CNTNAP4: variants seen among roughly 807,000 people sequenced by gnomAD.
CNTNAP4 encodes the protein contactin-associated protein-like 4.
In CNTNAP4, 98 loss-of-function variants were observed where a neutral mutation model predicts 148.4. The observed-to-expected ratio is 0.66, with a 90% CI of 0.56 to 0.78. The LOEUF (loss-of-function observed/expected upper bound fraction) is 0.78, where lower values mean the gene tolerates loss of function less well. Ranked by LOEUF, CNTNAP4 falls within the 30% of genes least tolerant of loss-of-function variation. The pLI is 0.00. For synonymous variants in CNTNAP4, 730 were observed against 565.1 expected (o/e 1.29, Z -4.14); for missense variants, 1,935 against 1,565.6 (o/e 1.24, Z -3.98).
At chr16:76,315,210 A>C (rs1597162567) in intron 1 of CNTNAP4, among the ~76,000 whole-genome samples, 1 of 152,252 alleles carries the variant, frequency 6.6e-6, no homozygotes, top group East Asian at 1.9e-4. Context: ...CGTTGCTAGA[A>C]ATCATACATG....
At position 76,538,104 on chromosome 16, in the gene CNTNAP4, A is replaced by G. The variant is rs1002828992; in HGVS notation, c.2996-12A>G. ...AAATTTTTAACAAAAATATATATAT[A>G]TATTATTTCAGAGATTTCTGCATAT... is the stretch of plus-strand genomic sequence containing the variant. On this transcript the variant is annotated splice_polypyrimidine_tract_variant and intron_variant, in intron 18 of 23. Transcript: ENST00000611870. 1.3e-5 allele frequency: 16 copies of G among 1,203,108 alleles called. No homozygotes were observed. The highest frequency in any genetic ancestry group is 1.1e-4 in the African/African-American group (7 of 62,946). 74.5% of individuals were successfully genotyped at this position (1,203,108 alleles called of 1,614,324 possible). A position where few individuals can be genotyped will look rare whatever the true frequency, so the allele number is the denominator to read the frequency against.
intron 10 of CNTNAP4, among the ~76,000 whole-genome samples, chr16:76,471,499 G>A (rs932897502): frequency 6.6e-6 from 1 of 152,106 alleles, no homozygotes; most frequent in Non-Finnish European, 1.5e-5. Flanking sequence ...CTTGCCTCCA[G>A]CCTCTGCACC....
chr16:76,459,576 A>C (rs964529997), intron 8 of CNTNAP4, among the ~76,000 whole-genome samples: 22 of 152,200 alleles, frequency 1.4e-4, no homozygotes, highest in Admixed American at 3.9e-4. Flanking sequence ...TTTTGATCCA[A>C]ATGTATGTGG....
At chr16:76,407,971 C>G (rs2078655621) in intron 3 of CNTNAP4, among the ~76,000 whole-genome samples, 1 of 152,006 alleles carries the variant, frequency 6.6e-6, no homozygotes, top group Non-Finnish European at 1.5e-5. Context: ...AACCACCACC[C>G]TGATCAGTCA....
chr16:76,338,764 T>C (rs958713133), intron 2 of CNTNAP4, among the ~76,000 whole-genome samples: 2 of 152,216 alleles, frequency 1.3e-5, no homozygotes, highest in Non-Finnish European at 2.9e-5. Flanking sequence ...TTTGTAACCT[T>C]TCATAAGTGA....
chr16:76,476,118 G>A, intron 11 of CNTNAP4, 73 bp downstream of exon 11: 2 of 986,186 alleles, frequency 2.0e-6, no homozygotes, highest in Non-Finnish European at 1.6e-6. Flanking sequence ...TCATTGCTGT[G>A]TGTATATATG....
chr16:76,360,074 T>C (rs570256645), intron 3 of CNTNAP4, among the ~76,000 whole-genome samples: 1 of 152,340 alleles, frequency 6.6e-6, no homozygotes, highest in Non-Finnish European at 1.5e-5. Context: ...GTTTGCTTTA[T>C]TTAAAATAGA....
intron 15 of CNTNAP4, among the ~76,000 whole-genome samples, chr16:76,512,577 A>G (rs1488485004): frequency 6.6e-6 from 1 of 152,178 alleles, no homozygotes; most frequent in Non-Finnish European, 1.5e-5. Context: ...GTAGAGAAAT[A>G]TAAAGAGCCC....
intron 1 of CNTNAP4, among the ~76,000 whole-genome samples, chr16:76,292,062 T>TTGACTTA (rs1959138056): frequency 6.6e-6 from 1 of 152,236 alleles, no homozygotes; most frequent in East Asian, 1.9e-4. Flanking sequence ...ACTTATTTTT[T>TTGACTTA]GATTTCTCAG....
intron 3 of CNTNAP4, among the ~76,000 whole-genome samples, chr16:76,363,639 A>T (rs2013718498): frequency 1.3e-5 from 2 of 152,354 alleles, no homozygotes; most frequent in Admixed American, 6.5e-5. Flanking sequence ...ATGAAAAATA[A>T]ACAAGTGGAA....
intron 15 of CNTNAP4, among the ~76,000 whole-genome samples, chr16:76,501,159 G>T (rs1203885919): frequency 2.0e-5 from 3 of 152,206 alleles, no homozygotes; most frequent in Admixed American, 6.5e-5. Context: ...TGTTCTACCA[G>T]TGAGCCTTAC....
At chr16:76,364,504 T>A (rs2013865821) in intron 3 of CNTNAP4, among the ~76,000 whole-genome samples, 1 of 152,168 alleles carries the variant, frequency 6.6e-6, no homozygotes. Context: ...ACTTGATAAC[T>A]TGTATCTCAC....
intron 3 of CNTNAP4, among the ~76,000 whole-genome samples, chr16:76,393,180 T>C (rs1438265385): frequency 2.6e-5 from 4 of 152,304 alleles, no homozygotes; most frequent in East Asian, 1.9e-4. Flanking sequence ...CCTTATCTTA[T>C]GGTTGCTATG....
rs569644866 is a variant in CNTNAP4, at chr16:76,361,035, G to C, written c.390+5524G>C. Among the ~76,000 whole-genome samples, 26 of 151,790 alleles carry C rather than the reference G, an allele frequency of 1.7e-4. No individual in the cohort carries two copies. The South Asian group carries it at 5.4e-3, about 32-fold the overall frequency. On this transcript the variant is annotated intron_variant, in intron 3 of 23. Transcript: ENST00000611870. The stretch of plus-strand genomic sequence containing the variant: ...ATACGGGGTTTCACCACGTTAGCCA[G>C]GATGGCCTCGATTTGCTGACCTCGT...
chr16:76,425,941 G>A (rs901032473), intron 3 of CNTNAP4, among the ~76,000 whole-genome samples: 1 of 152,180 alleles, frequency 6.6e-6, no homozygotes, highest in Admixed American at 6.5e-5. Flanking sequence ...CATTGGGGGT[G>A]ATGGCAAAGA....
chr16:76,460,995 T>G (rs1455315246), intron 8 of CNTNAP4, among the ~76,000 whole-genome samples: 1 of 151,574 alleles, frequency 6.6e-6, no homozygotes, highest in Non-Finnish European at 1.5e-5. Context: ...TGTTTCTGTT[T>G]AAGGACGTCT....
At chr16:76,326,327 G>A (rs1411417122) in intron 2 of CNTNAP4, among the ~76,000 whole-genome samples, 2 of 152,164 alleles carry the variant, frequency 1.3e-5, no homozygotes, top group Admixed American at 6.5e-5. Flanking sequence ...AGTGTGGTGG[G>A]TGGCACAACC....
At chr16:76,365,254 A>C (rs758038555) in intron 3 of CNTNAP4, among the ~76,000 whole-genome samples, 2 of 152,174 alleles carry the variant, frequency 1.3e-5, no homozygotes, top group Non-Finnish European at 2.9e-5. Context: ...TGATATCAGT[A>C]CCATGCTGTT....
chr16:76,290,142 G>C (rs557610458), intron 1 of CNTNAP4, among the ~76,000 whole-genome samples: 2 of 152,162 alleles, frequency 1.3e-5, no homozygotes, highest in Non-Finnish European at 2.9e-5. Flanking sequence ...TGTGAGACAA[G>C]TGTTACTATG....
Sources: allele counts gnomAD v4.1 joint callset (sites outside exome capture counted in the v4.1 genomes callset), GRCh38; gene constraint gnomAD v4.1.1; transcripts MANE v1.5; gene names NCBI Gene and HGNC (gene_info 2026-07-23, HGNC 2026-07-21).